The following PDE4B variants were observed in gnomAD, a reference collection of about 807,000 sequenced individuals.
The protein encoded by PDE4B is phosphodiesterase 4B.
PDE4B carries 20 observed loss-of-function variants against 82.2 expected under a neutral mutation model. The ratio of observed to expected loss-of-function variants is 0.24; its 90% CI spans 0.17 to 0.35. PDE4B has a LOEUF of 0.35. PDE4B is among the 10% of genes least tolerant of loss of function. The pLI is 1.00. For missense variants in PDE4B, 655 were observed against 907.2 expected (o/e 0.72, Z 3.57); for synonymous variants, 320 against 318.9 (o/e 1.00, Z -0.04).
At chr1:65,843,393 T>C (rs1646231154) in intron 1 of PDE4B, among the ~76,000 whole-genome samples, 1 of 152,182 alleles carries the variant, frequency 6.6e-6, no homozygotes, top group Non-Finnish European at 1.5e-5. Context: ...CTTTGCCCTT[T>C]CCTTCCCCAA....
intron 7 of PDE4B, among the ~76,000 whole-genome samples, chr1:66,268,442 G>T (rs973175820): frequency 2.0e-5 from 3 of 151,984 alleles, no homozygotes; most frequent in African/African-American, 4.8e-5. Flanking sequence ...GGCCAAAGCG[G>T]ACGGATCACG....
intron 3 of PDE4B, among the ~76,000 whole-genome samples, chr1:66,127,066 T>A (rs1233318716): frequency 6.6e-6 from 1 of 152,156 alleles, no homozygotes; most frequent in African/African-American, 2.4e-5. Flanking sequence ...TATGAGATAC[T>A]GGATTGGATC....
At chr1:65,851,469 A>G (rs1646332523) in intron 1 of PDE4B, among the ~76,000 whole-genome samples, 1 of 152,048 alleles carries the variant, frequency 6.6e-6, no homozygotes, top group Non-Finnish European at 1.5e-5. Flanking sequence ...ATTAATGAAC[A>G]TTGTATGTTT....
intron 3 of PDE4B, among the ~76,000 whole-genome samples, chr1:66,152,747 G>A (rs1204867888): frequency 1.3e-5 from 2 of 151,676 alleles, no homozygotes; most frequent in Non-Finnish European, 1.5e-5. Flanking sequence ...CAAGCCAACA[G>A]ACTAGAAACT....
At chr1:65,929,114 TTAGTC>T (rs1569719164) in intron 3 of PDE4B, among the ~76,000 whole-genome samples, 2 of 152,250 alleles carry the variant, frequency 1.3e-5, no homozygotes, top group East Asian at 3.9e-4. Flanking sequence ...CGCCGGGACT[TTAGTC>T]TAGTTATAGG....
intron 3 of PDE4B, among the ~76,000 whole-genome samples, chr1:66,108,711 G>A (rs552575440): frequency 1.2e-4 from 18 of 151,862 alleles, no homozygotes; most frequent in African/African-American, 3.6e-4. Flanking sequence ...GGAAAGGCAC[G>A]TTCATTTCAG....
At chr1:66,368,650 C>T (rs1234808042) in intron 15 of PDE4B, 137 bp from the exon 16 acceptor site, 5 of 524,420 alleles carry the variant, frequency 9.5e-6, no homozygotes, top group Admixed American at 8.3e-5. Flanking sequence ...CATTTTTTTT[C>T]GGTGCATATG....
At chr1:66,269,385 T>A in intron 7 of PDE4B, among the ~76,000 whole-genome samples, 1 of 152,146 alleles carries the variant, frequency 6.6e-6, no homozygotes, top group East Asian at 1.9e-4. Flanking sequence ...CAGTAAATCC[T>A]CCTAGGGGTG....
intron 7 of PDE4B, among the ~76,000 whole-genome samples, chr1:66,286,974 A>T (rs1656722115): frequency 6.6e-6 from 1 of 152,172 alleles, no homozygotes; most frequent in Non-Finnish European, 1.5e-5. Context: ...CAGGTTTGTT[A>T]GCTGTTATAA....
At chr1:66,247,312 G>A (rs1653391591) in intron 3 of PDE4B, 148 bp from the exon 4 acceptor site, 1 of 499,156 alleles carries the variant, frequency 2.0e-6, no homozygotes, top group African/African-American at 2.0e-5. Context: ...ACTCTAAGCT[G>A]TGTTGAGGAT....
In PDE4B at chr1:66,049,656, A is replaced by T. The variant is rs571992876; in HGVS notation, c.281+130821A>T. Among the ~76,000 whole-genome samples the T allele has an allele frequency of 1.2e-4, 18 of 152,110 alleles. 1 individual carries two copies. In the South Asian group the frequency reaches 3.7e-3, roughly 32 times the overall value. ...CTAAAACTGGGCCACATATGCATGG[A>T]TTTCCTAAATAATCCTTCAAGAGAA... On this transcript the variant is annotated intron_variant, in intron 3 of 16. Coordinates refer to ENST00000341517, the MANE Select transcript of PDE4B (RefSeq NM_002600.4).
chr1:66,109,730 A>G (rs971609952), intron 3 of PDE4B, among the ~76,000 whole-genome samples: 1 of 151,930 alleles, frequency 6.6e-6, no homozygotes, highest in African/African-American at 2.4e-5. Context: ...GGATACATGT[A>G]TATGTTTGTT....
chr1:66,191,168 A>C (rs1349878999), intron 3 of PDE4B, among the ~76,000 whole-genome samples: 1 of 152,166 alleles, frequency 6.6e-6, no homozygotes, highest in African/African-American at 2.4e-5. Context: ...TGTAGTATAC[A>C]TTATGAAAAA....
rs376726529 is a variant in PDE4B at position 66,244,214 on chromosome 1, A to T, written c.282-3246A>T. On this transcript the variant is annotated intron_variant, in intron 3 of 16. Coordinates refer to ENST00000341517, the MANE Select transcript of PDE4B (RefSeq NM_002600.4). ...AGCACATAACAAATACTTGTGAAAA[A>T]AATCAAGATCCAAACCTGCAGGAGA... Among the ~76,000 whole-genome samples the T allele has an allele frequency of 1.6e-4, 25 of 152,346 alleles. No homozygotes were observed. The East Asian group carries it at 2.9e-3, about 18-fold the overall frequency.
At chr1:66,352,431 A>T (rs577641968) in intron 8 of PDE4B, among the ~76,000 whole-genome samples, 5 of 152,190 alleles carry the variant, frequency 3.3e-5, no homozygotes, top group Non-Finnish European at 7.3e-5. Flanking sequence ...CACCTCCCTG[A>T]TTCCATATTG....
chr1:65,998,428 C>T (rs1001240136), intron 3 of PDE4B, among the ~76,000 whole-genome samples: 7 of 131,044 alleles, frequency 5.3e-5, no homozygotes, highest in South Asian at 2.6e-4. Context: ...TGAGGAGCCA[C>T]GACAGGTTAT....
chr1:65,880,963 C>T (rs753462565), intron 1 of PDE4B, among the ~76,000 whole-genome samples: 1 of 152,100 alleles, frequency 6.6e-6, no homozygotes, highest in African/African-American at 2.4e-5. Context: ...AATGAGGCGA[C>T]CCCCTCATTG....
intron 3 of PDE4B, among the ~76,000 whole-genome samples, chr1:66,046,584 A>G (rs1409573551): frequency 6.6e-6 from 1 of 151,828 alleles, no homozygotes; most frequent in African/African-American, 2.4e-5. Context: ...CTGGTGGTAA[A>G]TTAAGCAATC....
chr1:66,018,361 A>G (rs751310592), intron 3 of PDE4B, among the ~76,000 whole-genome samples: 15 of 152,162 alleles, frequency 9.9e-5, no homozygotes, highest in Admixed American at 9.8e-4. Context: ...CGGAGCTTGC[A>G]GTGAGCCGAG....
Sources: allele counts gnomAD v4.1 joint callset (sites outside exome capture counted in the v4.1 genomes callset), GRCh38; gene constraint gnomAD v4.1.1; transcripts MANE v1.5; gene names NCBI Gene and HGNC (gene_info 2026-07-23, HGNC 2026-07-21).